Variants in PTPRN2 observed in about 807,000 individuals in gnomAD.
PTPRN2 encodes the protein receptor-type tyrosine-protein phosphatase N2.
Under a neutral mutation model 118.8 loss-of-function variants are expected in PTPRN2, and 74 were observed. The observed-to-expected ratio is 0.62, with a 90% CI of 0.52 to 0.76. PTPRN2 has a LOEUF of 0.76. PTPRN2 is among the 30% of genes least tolerant of loss of function. The probability of loss-of-function intolerance (pLI) is 0.00; values close to 1 mark genes in which losing one functional copy is unlikely to be tolerated. For missense variants in PTPRN2, 1,481 were observed against 1,394.4 expected (o/e 1.06, Z -0.99); for synonymous variants, 641 against 608.0 (o/e 1.05, Z -0.80).
intron 2 of PTPRN2, among the ~76,000 whole-genome samples, chr7:158,368,750 T>A (rs1356349902): frequency 1.3e-5 from 2 of 152,126 alleles, no homozygotes; most frequent in Non-Finnish European, 2.9e-5. Context: ...GGCCCCACCA[T>A]CCTCGACCCC....
At chr7:158,584,630 GGTGA>G (rs1050038104) in intron 1 of PTPRN2, among the ~76,000 whole-genome samples, 3 of 152,200 alleles carry the variant, frequency 2.0e-5, no homozygotes, top group African/African-American at 7.2e-5. Context: ...AGGCAGAGTG[GGTGA>G]TGGGAGGGCA....
chr7:158,238,911 A>AGCCCCCAGGAC (rs145134900), intron 3 of PTPRN2, among the ~76,000 whole-genome samples: 3 of 152,154 alleles, frequency 2.0e-5, no homozygotes, highest in African/African-American at 2.4e-5. Flanking sequence ...AAGGCCACGC[A>AGCCCCCAGGAC]GCCCCCAGGA....
chr7:158,314,017 G>A (rs1412748327), intron 3 of PTPRN2, among the ~76,000 whole-genome samples: 7 of 145,256 alleles, frequency 4.8e-5, no homozygotes, highest in East Asian at 1.9e-4. Context: ...GCAGGGCCCC[G>A]GAGCCCTTGT....
chr7:157,572,709 A>G (rs1799816495), intron 19 of PTPRN2, among the ~76,000 whole-genome samples: 2 of 152,244 alleles, frequency 1.3e-5, no homozygotes, highest in Admixed American at 1.3e-4. Flanking sequence ...CTGAAGGAGC[A>G]GTTGCAGGGA....
At chr7:158,292,886 G>A (rs1800213758) in intron 3 of PTPRN2, among the ~76,000 whole-genome samples, 1 of 152,116 alleles carries the variant, frequency 6.6e-6, no homozygotes, top group Non-Finnish European at 1.5e-5. Context: ...TGGCCAACAT[G>A]GTGAAACCCT....
At chr7:158,440,031 A>G (rs1335257963) in intron 2 of PTPRN2, among the ~76,000 whole-genome samples, 1 of 152,192 alleles carries the variant, frequency 6.6e-6, no homozygotes, top group African/African-American at 2.4e-5. Context: ...TAATTTCCCT[A>G]TCCTCACATG....
At chr7:158,281,546 C>T (rs1186401924) in intron 3 of PTPRN2, among the ~76,000 whole-genome samples, 2 of 152,224 alleles carry the variant, frequency 1.3e-5, no homozygotes, top group East Asian at 1.9e-4. Context: ...TCCAGACTGG[C>T]TAAGAGCACA....
chr7:158,113,050 G>A (rs1216162706), intron 9 of PTPRN2, among the ~76,000 whole-genome samples: 1 of 151,512 alleles, frequency 6.6e-6, no homozygotes, highest in East Asian at 1.9e-4. Flanking sequence ...CAGCATTGAG[G>A]GCCCCCCAAC....
At chr7:158,406,784 GT>G (rs1237365191) in intron 2 of PTPRN2, among the ~76,000 whole-genome samples, 1 of 152,162 alleles carries the variant, frequency 6.6e-6, no homozygotes, top group Admixed American at 6.5e-5. Context: ...TCCTGATTTT[GT>G]TTTTTTGTAT....
chr7:157,795,502 C>T (rs1283096446), intron 12 of PTPRN2, among the ~76,000 whole-genome samples: 4 of 152,242 alleles, frequency 2.6e-5, no homozygotes, highest in Non-Finnish European at 4.4e-5. Flanking sequence ...CCTTGGAGTT[C>T]TGTACTCGGC....
intron 6 of PTPRN2, among the ~76,000 whole-genome samples, chr7:158,139,966 C>T (rs73171602): frequency 0.087 from 12,484 of 143,034 alleles, 566 homozygotes; most frequent in African/African-American, 0.099. Context: ...CCAGTGGGTC[C>T]CTGTGGGCCT....
intron 11 of PTPRN2, among the ~76,000 whole-genome samples, chr7:157,952,665 G>A (rs999209923): frequency 6.6e-6 from 1 of 152,104 alleles, no homozygotes; most frequent in Admixed American, 6.5e-5. Context: ...TCTAGTAAAT[G>A]TTTCCTTCTG....
intron 2 of PTPRN2, among the ~76,000 whole-genome samples, chr7:158,326,617 C>T (rs150006748): frequency 6.6e-6 from 1 of 151,650 alleles, no homozygotes; most frequent in Non-Finnish European, 1.5e-5. Flanking sequence ...TTCTCACACA[C>T]ATGCACATTC....
chr7:158,385,987 TGCCC>T (rs1811314025), intron 2 of PTPRN2, among the ~76,000 whole-genome samples: 1 of 138,038 alleles, frequency 7.2e-6, no homozygotes, highest in African/African-American at 2.7e-5. Context: ...CCTCCTCCCA[TGCCC>T]TGAGTCCCTC....
At chr7:157,991,004 G>A (rs1032693272) in intron 11 of PTPRN2, among the ~76,000 whole-genome samples, 1 of 152,246 alleles carries the variant, frequency 6.6e-6, no homozygotes, top group South Asian at 2.1e-4. Context: ...GACTCTGAAG[G>A]TGTGCGGGGT....
intron 12 of PTPRN2, among the ~76,000 whole-genome samples, chr7:157,717,605 G>A (rs1007399975): frequency 1.3e-5 from 2 of 152,154 alleles, no homozygotes; most frequent in Non-Finnish European, 1.5e-5. Context: ...GCTCCCTTGC[G>A]TCTCCTCATG....
At chr7:158,334,104 T>C (rs867774652) in intron 2 of PTPRN2, among the ~76,000 whole-genome samples, 6 of 64,586 alleles carry the variant, frequency 9.3e-5, no homozygotes, top group East Asian at 4.9e-4. Context: ...AGGTGACACC[T>C]GCAGACGTCA....
At chr7:157,950,274 G>C (rs1800724103) in intron 11 of PTPRN2, among the ~76,000 whole-genome samples, 2 of 152,186 alleles carry the variant, frequency 1.3e-5, no homozygotes, top group Non-Finnish European at 2.9e-5. Flanking sequence ...GCAAACGCCT[G>C]GTGGGAAATA....
At chr7:157,937,800 C>G (rs4716816) in intron 11 of PTPRN2, among the ~76,000 whole-genome samples, 58,923 of 151,916 alleles carry the variant, frequency 0.39, 13,630 homozygotes, top group East Asian at 0.63. Context: ...TCTGAACAGT[C>G]CTGCGTATCT....
Sources: allele counts gnomAD v4.1 joint callset (sites outside exome capture counted in the v4.1 genomes callset), GRCh38; gene constraint gnomAD v4.1.1; transcripts MANE v1.5; gene names NCBI Gene and HGNC (gene_info 2026-07-23, HGNC 2026-07-21).